AGBL4: variants seen among roughly 807,000 people sequenced by gnomAD.
AGBL4 encodes the protein AGBL carboxypeptidase 4.
A neutral mutation model predicts 66.4 loss-of-function variants in AGBL4; 58 were observed. That is an observed-to-expected ratio of 0.87 (90% confidence interval 0.71 to 1.09). The LOEUF is 1.09. AGBL4 is among the 50% of genes least tolerant of loss of function. AGBL4 has a pLI of 0.00. For synonymous variants in AGBL4, 234 were observed against 222.9 expected (o/e 1.05, Z -0.44); for missense variants, 579 against 631.0 (o/e 0.92, Z 0.88).
At position 50,002,400 on chromosome 1, in the gene AGBL4, C is replaced by T. The variant is rs796567851; in HGVS notation, c.34+21363G>A. ...TTTTTTTTTTTTTGAGACGGAGTCT[C>T]GCTCTGTCGCCCAGGCTGGAGTGCA... On this transcript the variant is annotated intron_variant, in intron 1 of 13. Coordinates refer to ENST00000371839, the MANE Select transcript of AGBL4 (RefSeq NM_032785.4). Among the ~76,000 whole-genome samples the T allele has an allele frequency of 1.4e-4, 18 of 126,600 alleles. No individual in the cohort carries two copies. In the South Asian group the frequency reaches 2.2e-3, roughly 16 times the overall value. The allele number at this position is 126,600 out of a possible 152,430, so 83.1% of individuals were successfully genotyped here.
intron 3 of AGBL4, among the ~76,000 whole-genome samples, chr1:49,371,286 T>TACACACAC (rs35387440): frequency 6.9e-6 from 1 of 145,722 alleles, no homozygotes; most frequent in African/African-American, 2.6e-5. Flanking sequence ...CATACATACA[T>TACACACAC]ACACACACAC....
chr1:49,836,700 T>G (rs1645858819), intron 2 of AGBL4, among the ~76,000 whole-genome samples: 1 of 152,224 alleles, frequency 6.6e-6, no homozygotes, highest in African/African-American at 2.4e-5. Flanking sequence ...TGGTTTTTCC[T>G]CATCTTCGTG....
intron 8 of AGBL4, among the ~76,000 whole-genome samples, chr1:48,644,874 C>T (rs991136776): frequency 1.3e-5 from 2 of 152,210 alleles, no homozygotes; most frequent in Non-Finnish European, 2.9e-5. Flanking sequence ...GGAACTAGGA[C>T]CAGAAATGGT....
At chr1:48,826,332 G>T (rs1646426165) in intron 6 of AGBL4, among the ~76,000 whole-genome samples, 1 of 152,204 alleles carries the variant, frequency 6.6e-6, no homozygotes, top group South Asian at 2.1e-4. Context: ...GAAGGAGTTT[G>T]CTGAATTGGC....
chr1:49,727,117 G>C (rs1047396447), intron 2 of AGBL4, among the ~76,000 whole-genome samples: 6 of 152,116 alleles, frequency 3.9e-5, no homozygotes, highest in African/African-American at 1.4e-4. Flanking sequence ...ACCACTGTGA[G>C]AGTAAAAGAC....
intron 3 of AGBL4, among the ~76,000 whole-genome samples, chr1:49,359,434 A>G (rs555850050): frequency 2.3e-4 from 35 of 152,346 alleles, no homozygotes; most frequent in Admixed American, 2.0e-4. Context: ...TCTGACATAT[A>G]GCATATGTTC....
At chr1:49,348,499 T>G (rs1425426610) in intron 3 of AGBL4, among the ~76,000 whole-genome samples, 1 of 151,694 alleles carries the variant, frequency 6.6e-6, no homozygotes, top group African/African-American at 2.4e-5. Flanking sequence ...CATGCACAGA[T>G]AAGAAGGTGC....
intron 5 of AGBL4, among the ~76,000 whole-genome samples, chr1:48,888,388 G>A (rs561391405): frequency 2.0e-5 from 3 of 152,234 alleles, no homozygotes; most frequent in African/African-American, 4.8e-5. Context: ...CCTTCTGTCC[G>A]TTAGAGGAGT....
intron 1 of AGBL4, among the ~76,000 whole-genome samples, chr1:49,853,205 T>A (rs1045427568): frequency 6.6e-6 from 1 of 152,124 alleles, no homozygotes; most frequent in African/African-American, 2.4e-5. Context: ...CAATGATTTT[T>A]AAATAAAGCT....
intron 6 of AGBL4, among the ~76,000 whole-genome samples, chr1:48,862,379 C>T (rs1647557011): frequency 6.6e-6 from 1 of 152,156 alleles, no homozygotes; most frequent in Admixed American, 6.5e-5. Context: ...GTCATTCAGG[C>T]TGGGTGATCT....
At chr1:48,882,619 A>G (rs1337228091) in intron 5 of AGBL4, among the ~76,000 whole-genome samples, 1 of 152,156 alleles carries the variant, frequency 6.6e-6, no homozygotes. Flanking sequence ...TATCTCTCAC[A>G]TATTATTTTT....
intron 5 of AGBL4, among the ~76,000 whole-genome samples, chr1:48,918,325 T>C (rs1042168061): frequency 6.6e-6 from 1 of 152,248 alleles, no homozygotes; most frequent in African/African-American, 2.4e-5. Flanking sequence ...TTACTCATTC[T>C]CCTATGACAA....
rs1365746679 is a variant in AGBL4, at chr1:49,224,602, G to C, written c.377+21168C>G. Among the ~76,000 whole-genome samples, 4 of 142,336 alleles carry C rather than the reference G, an allele frequency of 2.8e-5. No homozygotes were observed. The East Asian group carries it at 6.4e-4, about 23-fold the overall frequency. 93.4% of individuals were successfully genotyped at this position (142,336 alleles called of 152,430 possible). On this transcript the variant is annotated intron_variant, in intron 4 of 13. Coordinates refer to ENST00000371839, the MANE Select transcript of AGBL4 (RefSeq NM_032785.4). ...ACTGCACTCCAGCCTTGGCAACAGA[G>C]CGAGACTCCCTCTCAAAAAAAAAAA...
intron 3 of AGBL4, among the ~76,000 whole-genome samples, chr1:49,349,558 C>T (rs896674307): frequency 2.0e-5 from 3 of 152,136 alleles, no homozygotes; most frequent in Admixed American, 2.0e-4. Context: ...GAACATGCTC[C>T]TTATATATAT....
At chr1:49,555,665 A>T (rs1264086327) in intron 3 of AGBL4, among the ~76,000 whole-genome samples, 3 of 150,962 alleles carry the variant, frequency 2.0e-5, no homozygotes, top group Admixed American at 6.6e-5. Flanking sequence ...GAATCTACAA[A>T]GAACTCAAAC....
intron 5 of AGBL4, among the ~76,000 whole-genome samples, chr1:49,029,250 A>C (rs1057234366): frequency 2.0e-5 from 3 of 152,172 alleles, no homozygotes; most frequent in African/African-American, 7.2e-5. Context: ...CAGAAGAATG[A>C]AATAAAAGGA....
intron 3 of AGBL4, among the ~76,000 whole-genome samples, chr1:49,487,777 C>A (rs1240544667): frequency 2.6e-5 from 4 of 151,844 alleles, no homozygotes; most frequent in African/African-American, 9.7e-5. Flanking sequence ...AACCTATGGT[C>A]TAGAAAAGTA....
intron 2 of AGBL4, among the ~76,000 whole-genome samples, chr1:49,795,329 C>T (rs1644703314): frequency 6.6e-6 from 1 of 151,964 alleles, no homozygotes; most frequent in Non-Finnish European, 1.5e-5. Context: ...TTTGCCACTG[C>T]TTTACAAATT....
chr1:49,231,079 A>C (rs1011961190), intron 4 of AGBL4, among the ~76,000 whole-genome samples: 1 of 152,182 alleles, frequency 6.6e-6, no homozygotes, highest in Non-Finnish European at 1.5e-5. Context: ...AAAATTAGTA[A>C]ATTGAACAGT....
Sources: gnomAD v4.1 joint callset for allele counts (sites outside exome capture counted in the v4.1 genomes callset) on GRCh38, gnomAD v4.1.1 for gene constraint, MANE v1.5 for transcripts, NCBI Gene and HGNC (gene_info 2026-07-23, HGNC 2026-07-21) for gene names.